EPHB1: variants seen among roughly 807,000 people sequenced by gnomAD.
EPHB1 encodes the protein ephrin type-B receptor 1.
A neutral mutation model predicts 94.4 loss-of-function variants in EPHB1; 30 were observed. The ratio of observed to expected loss-of-function variants is 0.32; its 90% confidence interval spans 0.24 to 0.43. The LOEUF (loss-of-function observed/expected upper bound fraction) is 0.43. Ranked by LOEUF, EPHB1 falls within the 20% of genes least tolerant of loss-of-function variation. The pLI, the probability that EPHB1 is intolerant of heterozygous loss-of-function variation, is 1.00. For synonymous variants in EPHB1, 522 were observed against 489.1 expected (o/e 1.07, Z -0.89); for missense variants, 1,055 against 1,308.3 (o/e 0.81, Z 2.99).
At chr3:134,989,497 G>GCA (rs61202894) in intron 3 of EPHB1, among the ~76,000 whole-genome samples, 13,902 of 149,640 alleles carry the variant, frequency 0.093, 1,624 homozygotes, top group African/African-American at 0.28. Context: ...ACGCGCGCGT[G>GCA]CACACACACA....
intron 3 of EPHB1, among the ~76,000 whole-genome samples, chr3:135,023,802 A>C (rs1254594388): frequency 6.6e-6 from 1 of 152,180 alleles, no homozygotes; most frequent in Non-Finnish European, 1.5e-5. Context: ...ATCTGGGAGA[A>C]ACTGTGTCAG....
intron 1 of EPHB1, among the ~76,000 whole-genome samples, chr3:134,880,262 G>A (rs148015020): frequency 9.8e-5 from 15 of 152,324 alleles, no homozygotes; most frequent in African/African-American, 2.9e-4. Context: ...GACCCGGGCT[G>A]CTTTGCCCTG....
chr3:135,200,214 G>A (rs1942719065), intron 11 of EPHB1, among the ~76,000 whole-genome samples: 4 of 152,184 alleles, frequency 2.6e-5, no homozygotes, highest in Admixed American at 2.6e-4. Context: ...TTTAACTGGT[G>A]TGTGCAAAGT....
chr3:135,144,676 C>T (rs370721633), intron 5 of EPHB1, among the ~76,000 whole-genome samples: 18 of 152,242 alleles, frequency 1.2e-4, no homozygotes, highest in East Asian at 3.9e-4. Flanking sequence ...CCCTTTGGCA[C>T]GGAACCGAAA....
intron 3 of EPHB1, among the ~76,000 whole-genome samples, chr3:135,030,997 C>G (rs959489594): frequency 2.0e-5 from 3 of 152,184 alleles, no homozygotes; most frequent in African/African-American, 7.2e-5. Context: ...CAGGTGCCGT[C>G]CATCACCCCT....
chr3:134,844,168 T>C (rs1298540533), intron 1 of EPHB1, among the ~76,000 whole-genome samples: 1 of 152,236 alleles, frequency 6.6e-6, no homozygotes, highest in East Asian at 1.9e-4. Context: ...ATTTTTGTTT[T>C]TATTTTTATG....
intron 3 of EPHB1, among the ~76,000 whole-genome samples, chr3:135,025,399 C>A (rs1460102724): frequency 1.1e-5 from 1 of 88,622 alleles, no homozygotes; most frequent in African/African-American, 4.1e-5. Flanking sequence ...GTGTGATGTT[C>A]CCCTTCCTGT....
chr3:134,797,436 G>A (rs2035851397), intron 1 of EPHB1, among the ~76,000 whole-genome samples: 1 of 152,208 alleles, frequency 6.6e-6, no homozygotes, highest in South Asian at 2.1e-4. Flanking sequence ...TTGGGGTGGC[G>A]TCATGCAGGT....
At chr3:135,096,865 A>AG (rs201554954) in intron 3 of EPHB1, among the ~76,000 whole-genome samples, 1,676 of 152,256 alleles carry the variant, frequency 0.011, 24 homozygotes, top group African/African-American at 0.039. Context: ...TGGGAGGCCA[A>AG]GGGGGGCGGA....
At chr3:134,847,056 C>G (rs1008529627) in intron 1 of EPHB1, among the ~76,000 whole-genome samples, 2 of 152,048 alleles carry the variant, frequency 1.3e-5, no homozygotes, top group African/African-American at 4.8e-5. Flanking sequence ...GGTATGCATT[C>G]CTTTCTGAGG....
intron 1 of EPHB1, among the ~76,000 whole-genome samples, chr3:134,869,817 T>C (rs1179172781): frequency 1.3e-5 from 2 of 152,212 alleles, no homozygotes; most frequent in Admixed American, 1.3e-4. Flanking sequence ...AAGCCACAGC[T>C]CTTTCTTTTT....
At chr3:135,189,651 G>A (rs1251557515) in intron 10 of EPHB1, among the ~76,000 whole-genome samples, 1 of 152,320 alleles carries the variant, frequency 6.6e-6, no homozygotes, top group East Asian at 1.9e-4. Context: ...TGAGGCCCAG[G>A]CCTCTGGACT....
At chr3:134,988,702 T>C (rs780192092) in intron 3 of EPHB1, among the ~76,000 whole-genome samples, 41 of 152,220 alleles carry the variant, frequency 2.7e-4, no homozygotes, top group Non-Finnish European at 5.6e-4. Context: ...CACAGTGATT[T>C]GTATGTATAG....
intron 1 of EPHB1, among the ~76,000 whole-genome samples, chr3:134,911,899 G>A (rs942627701): frequency 6.6e-6 from 1 of 152,156 alleles, no homozygotes; most frequent in Non-Finnish European, 1.5e-5. Flanking sequence ...AGGGATCCTG[G>A]CTCTCCGGAG....
chr3:135,162,155 G>C lies in EPHB1; in HGVS notation c.1560G>C (p.Lys520Asn), dbSNP rs1476924333. Residue 520 changes from lysine (K) to asparagine (N), a missense_variant, in exon 7 of 16, where the codon AAG (lysine) becomes AAC (asparagine). By Grantham distance (94) the Lys-to-Asn change is moderately conservative. Coordinates refer to ENST00000398015, the MANE Select transcript of EPHB1 (RefSeq NM_004441.5). Reference protein sequence around the residue: ...TVAGYGKFSGKMCFQTLTDDD... With the variant: ...TVAGYGKFSGNMCFQTLTDDD... ...CTGGCTACGGCAAGTTCAGTGGCAAGATGTGCTTCCAGACTCTGACTGACG... is the reference window on the plus strand; with the variant it reads ...CTGGCTACGGCAAGTTCAGTGGCAACATGTGCTTCCAGACTCTGACTGACG... 6.2e-7 allele frequency: 1 copy of C among 1,609,346 alleles called. No homozygotes were observed. Among genetic ancestry groups the C allele is most frequent in the Non-Finnish European group, 8.5e-7 (1 of 1,177,256 alleles).
chr3:134,855,807 C>T (rs572153735), intron 1 of EPHB1, among the ~76,000 whole-genome samples: 9 of 152,246 alleles, frequency 5.9e-5, no homozygotes, highest in Non-Finnish European at 7.3e-5. Context: ...TGCAATAACT[C>T]GTGGTATTGA....
intron 3 of EPHB1, among the ~76,000 whole-genome samples, chr3:135,030,794 T>C (rs1936417601): frequency 6.6e-6 from 1 of 152,228 alleles, no homozygotes; most frequent in Non-Finnish European, 1.5e-5. Flanking sequence ...TAAGCAAGCC[T>C]GGGCAATGGT....
intron 1 of EPHB1, among the ~76,000 whole-genome samples, chr3:134,888,844 G>T (rs2037910051): frequency 1.3e-5 from 2 of 152,312 alleles, no homozygotes; most frequent in South Asian, 2.1e-4. Flanking sequence ...GGGAATGGAG[G>T]CTCAGCCATG....
intron 3 of EPHB1, among the ~76,000 whole-genome samples, chr3:134,968,094 G>T (rs1182075240): frequency 6.6e-6 from 1 of 152,206 alleles, no homozygotes; most frequent in East Asian, 1.9e-4. Flanking sequence ...TTTAAGAGCT[G>T]GCAGCTTGAG....
Sources: gnomAD v4.1 joint callset for allele counts (sites outside exome capture counted in the v4.1 genomes callset) on GRCh38, gnomAD v4.1.1 for gene constraint, MANE v1.5 for transcripts, NCBI Gene and HGNC (gene_info 2026-07-23, HGNC 2026-07-21) for gene names.